EXD1: variants seen among roughly 807,000 people sequenced by gnomAD.
The protein encoded by EXD1 is exonuclease 3'-5' domain containing 1.
Under a neutral mutation model 49.1 loss-of-function variants are expected in EXD1, and 63 were observed. The ratio of observed to expected loss-of-function variants is 1.28; its 90% CI spans 1.05 to 1.58. The LOEUF is 1.58. EXD1 is among the 40% of genes most tolerant of loss of function. The pLI is 0.00. For synonymous variants in EXD1, 234 were observed against 239.2 expected (o/e 0.98, Z 0.20); for missense variants, 748 against 666.0 (o/e 1.12, Z -1.36).
At chr15:41,216,231 T>C (rs1331159800) in intron 5 of EXD1, among the ~76,000 whole-genome samples, 7 of 150,942 alleles carry the variant, frequency 4.6e-5, no homozygotes, top group Non-Finnish European at 1.0e-4. Flanking sequence ...TAGGATTCCA[T>C]AGAGAATCTT....
chr15:41,206,449 C>T (rs2140870752), intron 7 of EXD1, among the ~76,000 whole-genome samples: 1 of 141,750 alleles, frequency 7.1e-6, no homozygotes, highest in African/African-American at 2.7e-5. Flanking sequence ...GCACTCCAGC[C>T]TGGGCAACAG....
intron 7 of EXD1, among the ~76,000 whole-genome samples, chr15:41,198,281 G>A (rs2046647226): frequency 6.6e-6 from 1 of 152,148 alleles, no homozygotes; most frequent in Non-Finnish European, 1.5e-5. Context: ...AGAGGGCTGG[G>A]ACTTTCATCC....
intron 7 of EXD1, among the ~76,000 whole-genome samples, chr15:41,196,723 A>C (rs1179957407): frequency 6.7e-6 from 1 of 149,730 alleles, no homozygotes; most frequent in Non-Finnish European, 1.5e-5. Context: ...GAGCCACTGC[A>C]CCTGGCCAAT....
intron 2 of EXD1, among the ~76,000 whole-genome samples, chr15:41,225,977 G>A (rs2047158545): frequency 6.6e-6 from 1 of 152,130 alleles, no homozygotes; most frequent in Non-Finnish European, 1.5e-5. Context: ...ACCAGGCTCG[G>A]CATGGTGGCT....
intron 3 of EXD1, among the ~76,000 whole-genome samples, chr15:41,218,123 T>A (rs2047029012): frequency 6.6e-6 from 1 of 152,110 alleles, no homozygotes; most frequent in South Asian, 2.1e-4. Flanking sequence ...GGCAGGCAGA[T>A]CACCTGAGGT....
intron 2 of EXD1, among the ~76,000 whole-genome samples, chr15:41,222,419 T>A (rs2047102179): frequency 6.6e-6 from 1 of 152,024 alleles, no homozygotes; most frequent in South Asian, 2.1e-4. Flanking sequence ...CCCAGCCGCT[T>A]TCCCATTGTT....
chr15:41,201,784 A>T (rs1248784178), intron 7 of EXD1, among the ~76,000 whole-genome samples: 2 of 151,818 alleles, frequency 1.3e-5, no homozygotes, highest in Admixed American at 6.6e-5. Context: ...CACCGTGCCC[A>T]GCTAAGATTG....
chr15:41,229,751 G>A (rs149550788), intron 1 of EXD1, among the ~76,000 whole-genome samples: 1 of 151,036 alleles, frequency 6.6e-6, no homozygotes, highest in East Asian at 1.9e-4. Context: ...CTGGGCAGAA[G>A]AGCAAAAACT....
intron 3 of EXD1, among the ~76,000 whole-genome samples, chr15:41,219,249 C>T (rs1375136703): frequency 6.6e-6 from 1 of 152,072 alleles, no homozygotes; most frequent in Admixed American, 6.6e-5. Flanking sequence ...CTGCTTCCTG[C>T]CATTCCAAAA....
chr15:41,195,333 T>C (rs951060531), intron 9 of EXD1, among the ~76,000 whole-genome samples: 19 of 152,138 alleles, frequency 1.2e-4, no homozygotes, highest in African/African-American at 4.1e-4. Context: ...TGGGCCCACA[T>C]AGATTTGGGG....
At position 41,225,567 on chromosome 15, in the gene EXD1, A is replaced by G. The variant is rs531202640; in HGVS notation, c.133+876T>C. ...GCCACTGCACTCTAGCCTGGGCAAC[A>G]AGAACGAGACTCATTCTCAGAAAAA... On this transcript the variant is annotated intron_variant, in intron 2 of 11. Coordinates refer to ENST00000458580, the MANE Select transcript of EXD1 (RefSeq NM_001286441.2). 2.9e-5 allele frequency among the ~76,000 whole-genome samples: 4 copies of G among 139,894 alleles called. No homozygotes were observed. In the South Asian group the frequency reaches 9.3e-4, roughly 32 times the overall value. The allele number at this position is 139,894 out of a possible 152,430, so 91.8% of individuals were successfully genotyped here.
Position 41,190,099 on chromosome 15 carries a change from A to G in EXD1, c.894T>C (p.Pro298=). The change falls in exon 11 of 12, where the codon CCT becomes CCC. Residue 298 remains proline (P), a synonymous_variant. Transcript: ENST00000458580. ...QENPEVWFIR[P]VSPSLLKILA... ...AAATTTTCAGTAAAGAGGGTGAAAC[A>G]GGTCGGATGAACCATACTTCTGGAT... 2 of 1,614,206 alleles carry G rather than the reference A, an allele frequency of 1.2e-6. No homozygotes were observed. Among genetic ancestry groups the G allele is most frequent in the South Asian group, 1.1e-5 (1 of 91,090 alleles).
intron 1 of EXD1, among the ~76,000 whole-genome samples, 199 bp downstream of exon 1, chr15:41,230,280 T>A (rs894762400): frequency 6.6e-6 from 1 of 151,832 alleles, no homozygotes; most frequent in African/African-American, 2.4e-5. Context: ...ATGGGGTTTC[T>A]CCATATTGGT....
rs150375078 is a variant in EXD1 at position 41,194,674 on chromosome 15, T to C, written c.720+1101A>G. ...AATACACTGTTATAGAAAAAGAAAT[T>C]GGTGAAAATTCTGCTTCTTGGACTA... On this transcript the variant is annotated intron_variant, in intron 9 of 11. Coordinates refer to ENST00000458580, the MANE Select transcript of EXD1 (RefSeq NM_001286441.2). 2.9e-3 allele frequency among the ~76,000 whole-genome samples: 440 copies of C among 152,280 alleles called. 2 individuals are homozygous for C. The highest frequency in any genetic ancestry group is 5.4e-3 in the Non-Finnish European group (368 of 68,006).
chr15:41,189,730 C>T lies in EXD1; in HGVS notation c.1056+207G>A, dbSNP rs565134720. Among the ~76,000 whole-genome samples, 3 of 148,636 alleles carry T rather than the reference C, an allele frequency of 2.0e-5. No homozygotes were observed. In the South Asian group the frequency reaches 6.9e-4, roughly 34 times the overall value. On this transcript the variant is annotated intron_variant, in intron 11 of 11. Coordinates refer to ENST00000458580, the MANE Select transcript of EXD1 (RefSeq NM_001286441.2). ...TATGGAAATATTAAACTTACCCATT[C>T]TTAGACAGAAGTATTTCTTGGATAC...
At chr15:41,196,515 A>C (rs558528934) in intron 7 of EXD1, among the ~76,000 whole-genome samples, 1 of 151,868 alleles carries the variant, frequency 6.6e-6, no homozygotes, top group East Asian at 1.9e-4. Flanking sequence ...AAGGGGTTTC[A>C]CCATGTTGGC....
chr15:41,194,001 T>A (rs1439957337), intron 9 of EXD1, among the ~76,000 whole-genome samples: 1 of 77,804 alleles, frequency 1.3e-5, no homozygotes, highest in African/African-American at 1.1e-4. Context: ...GACAAGTGAT[T>A]TTTTTTTTTT....
intron 7 of EXD1, among the ~76,000 whole-genome samples, chr15:41,199,840 A>C (rs1189733682): frequency 7.0e-6 from 1 of 142,274 alleles, no homozygotes; most frequent in Non-Finnish European, 1.5e-5. Flanking sequence ...AATATATGAT[A>C]TATATAATAT....
Position 41,215,816 on chromosome 15 carries a change from A to G in EXD1, c.406T>C (p.Tyr136His). Residue 136 changes from tyrosine (Y) to histidine (H), a missense_variant, in exon 6 of 12, where the codon TAC becomes CAC. By Grantham distance (83) the Tyr-to-His change is moderately conservative. Transcript: ENST00000458580. ...TGCTGGAATTGATTAATGACTGTGT[A>G]TGTCACCTCCTCTTCCTCTACAAGA... ...YSPSEEEEVT[Y>H]TVINQFQQKF... The G allele has an allele frequency of 1.9e-6, 3 of 1,614,056 alleles. 1 individual carries two copies. The South Asian group carries it at 3.3e-5, about 18-fold the overall frequency.
Sources: gnomAD v4.1 joint callset for allele counts (sites outside exome capture counted in the v4.1 genomes callset) on GRCh38, gnomAD v4.1.1 for gene constraint, MANE v1.5 for transcripts, NCBI Gene and HGNC (gene_info 2026-07-23, HGNC 2026-07-21) for gene names.